Variants in PLSCR4 observed in about 807,000 individuals in gnomAD.
PLSCR4 encodes phospholipid scramblase 4.
PLSCR4 carries 25 observed loss-of-function variants against 36.3 expected under a neutral mutation model. The ratio of observed to expected loss-of-function variants is 0.69; its 90% confidence interval spans 0.50 to 0.96. The LOEUF is 0.96. Among genes scored for constraint, PLSCR4 ranks in the 40% least tolerant of loss-of-function variants. The pLI is 0.00. For missense variants in PLSCR4, 408 were observed against 414.7 expected (o/e 0.98, Z 0.14); for synonymous variants, 122 against 132.9 (o/e 0.92, Z 0.56).
chr3:146,244,863 A>C (rs1032829558), intron 1 of PLSCR4, among the ~76,000 whole-genome samples: 1 of 152,154 alleles, frequency 6.6e-6, no homozygotes. Flanking sequence ...GACAGGCCAA[A>C]AGCTAGGCCT....
chr3:146,206,862 TAAC>T, intron 3 of PLSCR4, 101 bp from the exon 4 acceptor site: 2 of 723,232 alleles, frequency 2.8e-6, no homozygotes, highest in Non-Finnish European at 4.6e-6. Flanking sequence ...CACTTAAATA[TAAC>T]AACTTGTTCC....
chr3:146,216,102 T>A (rs909753365), intron 3 of PLSCR4, among the ~76,000 whole-genome samples: 3 of 152,062 alleles, frequency 2.0e-5, no homozygotes, highest in Admixed American at 6.5e-5. Flanking sequence ...TGGTGGTGCA[T>A]GCCTGTAATC....
At chr3:146,217,595 G>T (rs1268830688) in intron 3 of PLSCR4, among the ~76,000 whole-genome samples, 1 of 152,234 alleles carries the variant, frequency 6.6e-6, no homozygotes, top group African/African-American at 2.4e-5. Context: ...TTTGGTGAAA[G>T]GAGCAGAGAG....
At chr3:146,233,846 A>G (rs1178738397) in intron 1 of PLSCR4, among the ~76,000 whole-genome samples, 1 of 152,166 alleles carries the variant, frequency 6.6e-6, no homozygotes, top group African/African-American at 2.4e-5. Context: ...CTTCTCCTTC[A>G]TACCCCATCA....
chr3:146,228,273 G>A (rs2035561414), intron 1 of PLSCR4, among the ~76,000 whole-genome samples: 1 of 152,134 alleles, frequency 6.6e-6, no homozygotes, highest in Non-Finnish European at 1.5e-5. Flanking sequence ...AAGAATAAAT[G>A]TGTGTGTTTA....
chr3:146,217,880 T>C (rs2034964823), intron 3 of PLSCR4, among the ~76,000 whole-genome samples: 1 of 152,186 alleles, frequency 6.6e-6, no homozygotes, highest in South Asian at 2.1e-4. Flanking sequence ...GATATGTATT[T>C]CATAAGTGAT....
At chr3:146,225,832 G>A (rs1198490576) in intron 1 of PLSCR4, among the ~76,000 whole-genome samples, 1 of 152,174 alleles carries the variant, frequency 6.6e-6, no homozygotes, top group Non-Finnish European at 1.5e-5. Context: ...TGCAAGCTGA[G>A]GGAGTGGGCT....
rs921981892 is a variant in PLSCR4 at position 146,228,376 on chromosome 3, T to G, written c.-21-6284A>C. Among the ~76,000 whole-genome samples the G allele has an allele frequency of 4.6e-5, 7 of 152,290 alleles. No individual in the cohort carries two copies. In the South Asian group the frequency reaches 1.2e-3, roughly 27 times the overall value. On this transcript the variant is annotated intron_variant, in intron 1 of 8. Coordinates refer to ENST00000354952, the MANE Select transcript of PLSCR4 (RefSeq NM_020353.3). ...TAAGATTCTACTCTGGGTTCTGAGC[T>G]GACACCACTAATTCCCATCTTCTAT...
intron 1 of PLSCR4, among the ~76,000 whole-genome samples, chr3:146,237,463 A>G (rs2035963911): frequency 6.6e-6 from 1 of 152,148 alleles, no homozygotes; most frequent in Non-Finnish European, 1.5e-5. Flanking sequence ...TCTCCAAGAT[A>G]TAACATTCAT....
chr3:146,193,088 C>A lies in PLSCR4; in HGVS notation c.*1323G>T, dbSNP rs2033491619. 1 of 151,674 alleles carries A rather than the reference C, an allele frequency of 6.6e-6. No homozygotes were observed. The highest frequency in any genetic ancestry group is 2.4e-5 in the African/African-American group (1 of 41,320). 9.4% of individuals were successfully genotyped at this position (151,674 alleles called of 1,614,324 possible). Reference sequence around the variant, plus strand: ...ATGCAGTCCATATGCAGGTAGAAAACTAAAGTGCAACAGAAGCAAGTTAAT... The same window carrying A: ...ATGCAGTCCATATGCAGGTAGAAAAATAAAGTGCAACAGAAGCAAGTTAAT... On this transcript the variant is annotated 3_prime_UTR_variant, in exon 9 of 9. Coordinates refer to ENST00000354952, the MANE Select transcript of PLSCR4 (RefSeq NM_020353.3).
chr3:146,230,075 C>T (rs2035645639), intron 1 of PLSCR4, among the ~76,000 whole-genome samples: 1 of 152,052 alleles, frequency 6.6e-6, no homozygotes, highest in Non-Finnish European at 1.5e-5. Flanking sequence ...CCTGGAAATC[C>T]TCAAACCTGT....
intron 1 of PLSCR4, among the ~76,000 whole-genome samples, chr3:146,237,843 A>G (rs2035981537): frequency 6.6e-6 from 1 of 151,960 alleles, no homozygotes; most frequent in African/African-American, 2.4e-5. Flanking sequence ...AAGGAAAGAA[A>G]TAAAGATTAG....
chr3:146,208,652 G>C (rs976073352), intron 3 of PLSCR4, among the ~76,000 whole-genome samples: 1 of 151,892 alleles, frequency 6.6e-6, no homozygotes, highest in African/African-American at 2.4e-5. Context: ...GCCAACAATT[G>C]TATGAAAAAA....
intron 1 of PLSCR4, among the ~76,000 whole-genome samples, chr3:146,239,717 C>G: frequency 6.6e-6 from 1 of 151,888 alleles, no homozygotes; most frequent in East Asian, 1.9e-4. Context: ...AACCCCACTT[C>G]TACTAAAAAT....
At chr3:146,250,597 A>T (rs1199656348) in intron 1 of PLSCR4, 4 of 152,118 alleles carry the variant, frequency 2.6e-5, no homozygotes, top group African/African-American at 9.7e-5. Context: ...GCCGCGCCGT[A>T]GAAACGCCAG....
At chr3:146,227,877 T>C (rs1375222310) in intron 1 of PLSCR4, among the ~76,000 whole-genome samples, 1 of 152,230 alleles carries the variant, frequency 6.6e-6, no homozygotes, top group Non-Finnish European at 1.5e-5. Flanking sequence ...ATATCCCTTT[T>C]GTGTTTATTA....
intron 3 of PLSCR4, among the ~76,000 whole-genome samples, chr3:146,207,008 A>G (rs1470726321): frequency 6.6e-6 from 1 of 152,112 alleles, no homozygotes; most frequent in Non-Finnish European, 1.5e-5. Context: ...CAATGGTACA[A>G]AAATAAGTTT....
intron 5 of PLSCR4, 139 bp downstream of exon 5, chr3:146,200,896 T>C: frequency 1.7e-6 from 1 of 595,442 alleles, no homozygotes; most frequent in South Asian, 2.3e-5. Flanking sequence ...TATTACTTTC[T>C]TGAAGATAGG....
chr3:146,242,223 T>C (rs2036178337), intron 1 of PLSCR4, among the ~76,000 whole-genome samples: 1 of 152,152 alleles, frequency 6.6e-6, no homozygotes, highest in Non-Finnish European at 1.5e-5. Context: ...CTGAAACTCT[T>C]CTGGTTCTGA....
Sources: gnomAD v4.1 joint callset for allele counts (sites outside exome capture counted in the v4.1 genomes callset) on GRCh38, gnomAD v4.1.1 for gene constraint, MANE v1.5 for transcripts, NCBI Gene and HGNC (gene_info 2026-07-23, HGNC 2026-07-21) for gene names.